Variants in USP45 observed in about 807,000 individuals in gnomAD.
The protein encoded by USP45 is ubiquitin specific peptidase 45, also known as ubiquitin carboxyl-terminal hydrolase 45.
In USP45, 89 loss-of-function variants were observed where a neutral mutation model predicts 95.8. That is an observed-to-expected ratio of 0.93 (90% confidence interval 0.78 to 1.11). The LOEUF (loss-of-function observed/expected upper bound fraction) is 1.11. Ranked by LOEUF, USP45 falls within the 50% of genes least tolerant of loss-of-function variation. USP45 has a pLI of 0.00. For synonymous variants in USP45, 281 were observed against 316.2 expected (o/e 0.89, Z 1.18); for missense variants, 898 against 942.5 (o/e 0.95, Z 0.62).
At chr6:99,461,027 T>C in intron 13 of USP45, 1 of 985,344 alleles carries the variant, frequency 1.0e-6, no homozygotes, top group Non-Finnish European at 1.2e-6. Flanking sequence ...TAACAGGTGG[T>C]GGGAACCAAA....
chr6:99,513,129 T>C (rs1800292289), intron 1 of USP45, among the ~76,000 whole-genome samples: 1 of 152,108 alleles, frequency 6.6e-6, no homozygotes, highest in Non-Finnish European at 1.5e-5. Context: ...TACCCAAAAA[T>C]AGGTGAACCG....
At chr6:99,506,375 G>A (rs1221838523) in intron 4 of USP45, among the ~76,000 whole-genome samples, 1 of 152,166 alleles carries the variant, frequency 6.6e-6, no homozygotes, top group Non-Finnish European at 1.5e-5. Context: ...CACCCAGGCT[G>A]GAGTGCAGTG....
chr6:99,470,204 A>G (rs1789059344), intron 9 of USP45, among the ~76,000 whole-genome samples: 2 of 152,148 alleles, frequency 1.3e-5, no homozygotes. Flanking sequence ...CCATTATAAC[A>G]TGCTTTTAAT....
intron 1 of USP45, chr6:99,514,954 T>C (rs1800821282): frequency 6.6e-6 from 1 of 152,230 alleles, no homozygotes; most frequent in East Asian, 1.9e-4. Context: ...AAGCGGTGGA[T>C]GGAGATGCGG....
At chr6:99,450,650 T>G (rs991935329) in intron 13 of USP45, among the ~76,000 whole-genome samples, 3 of 152,090 alleles carry the variant, frequency 2.0e-5, no homozygotes, top group Admixed American at 2.0e-4. Flanking sequence ...TTCTAATCAA[T>G]AGAAAAAGAG....
At chr6:99,474,126 G>A (rs1242771737) in intron 9 of USP45, among the ~76,000 whole-genome samples, 1 of 152,134 alleles carries the variant, frequency 6.6e-6, no homozygotes, top group Admixed American at 6.5e-5. Flanking sequence ...GAAAATATTA[G>A]AACTCTAATT....
Position 99,443,669 on chromosome 6 carries a change from A to C in USP45, c.1976-7T>G. On this transcript the variant is annotated splice_polypyrimidine_tract_variant and splice_region_variant and intron_variant, in intron 14 of 17. Transcript: ENST00000500704. ...ACTCCTTCTACTTTCTTTTCTACAT[A>C]AAATACAATAAATTTATTTATAAAA... 6.7e-7 allele frequency: 1 copy of C among 1,501,364 alleles called. No individual in the cohort carries two copies. The highest frequency in any genetic ancestry group is 9.0e-7 in the Non-Finnish European group (1 of 1,111,534). 93.0% of individuals were successfully genotyped at this position (1,501,364 alleles called of 1,614,324 possible).
intron 5 of USP45, among the ~76,000 whole-genome samples, chr6:99,496,908 G>C (rs1005988417): frequency 1.3e-5 from 2 of 151,984 alleles, no homozygotes; most frequent in Non-Finnish European, 2.9e-5. Flanking sequence ...TATTGTAACT[G>C]ATGAACCTGC....
At position 99,446,099 on chromosome 6, in the gene USP45, G is replaced by C. The variant is rs1319226521; in HGVS notation, c.1673C>G (p.Ala558Gly). Residue 558 changes from alanine to glycine, a missense_variant, in exon 14 of 18, where the codon GCT (alanine) becomes GGT (glycine). Transcript: ENST00000500704. ...GCTGCTCAAACGAAGTTCAGAAATA[G>C]CTTCTGCCATTTCCTTATCACCACT... ...TDSGDKEMAE[A>G]ISELRLSSTV... 1.2e-6 allele frequency: 2 copies of C among 1,613,908 alleles called. No individual in the cohort carries two copies. Among genetic ancestry groups the C allele is most frequent in the African/African-American group, 2.7e-5 (2 of 74,930 alleles).
intron 5 of USP45, chr6:99,502,083 TTCAA>T: frequency 2.4e-6 from 3 of 1,236,424 alleles, no homozygotes; most frequent in East Asian, 5.8e-5. Context: ...TGGCCAATGA[TTCAA>T]TCAATCATGC....
chr6:99,502,620 T>A (rs559309804), intron 5 of USP45, among the ~76,000 whole-genome samples: 1 of 152,354 alleles, frequency 6.6e-6, no homozygotes, highest in South Asian at 2.1e-4. Flanking sequence ...ATGTGTCAAG[T>A]ACTGATATGG....
At chr6:99,483,453 GT>G (rs1194597108) in intron 7 of USP45, among the ~76,000 whole-genome samples, 5 of 152,094 alleles carry the variant, frequency 3.3e-5, no homozygotes, top group African/African-American at 1.2e-4. Context: ...TCGAAATCTG[GT>G]TTCTAAAGTA....
At position 99,435,568 on chromosome 6, in the gene USP45, G is replaced by A. The variant is rs1422784995; in HGVS notation, c.*148C>T. 1.1e-5 allele frequency: 6 copies of A among 549,112 alleles called. No individual in the cohort carries two copies. Among genetic ancestry groups the A allele is most frequent in the African/African-American group, 7.8e-5 (4 of 51,358 alleles). 34.0% of individuals were successfully genotyped at this position (549,112 alleles called of 1,614,324 possible). On this transcript the variant is annotated 3_prime_UTR_variant, in exon 18 of 18. Coordinates refer to ENST00000500704, the MANE Select transcript of USP45 (RefSeq NM_001346022.3). ...CATTGAGTAAATTTACTTTAAAAGGGTTCACCAAAATGGTGAAAAAGTTCA... is the reference window on the plus strand; with the variant it reads ...CATTGAGTAAATTTACTTTAAAAGGATTCACCAAAATGGTGAAAAAGTTCA...
chr6:99,446,584 C>T (rs1444582537), intron 13 of USP45, 121 bp from the exon 14 acceptor site: 17 of 938,132 alleles, frequency 1.8e-5, no homozygotes, highest in Non-Finnish European at 2.6e-5. Context: ...ATTTCCTAAG[C>T]CTACTGAAAC....
intron 13 of USP45, among the ~76,000 whole-genome samples, chr6:99,458,285 C>T (rs779490884): frequency 6.6e-5 from 10 of 152,164 alleles, no homozygotes; most frequent in Non-Finnish European, 1.5e-4. Flanking sequence ...TCCCAAAGTG[C>T]TGGGATTACA....
At chr6:99,506,350 G>T (rs141234252) in intron 4 of USP45, among the ~76,000 whole-genome samples, 5 of 151,984 alleles carry the variant, frequency 3.3e-5, no homozygotes, top group African/African-American at 1.2e-4. Flanking sequence ...TTTTTGAAAC[G>T]GAGTGTCACT....
chr6:99,443,518 T>A, intron 15 of USP45, 47 bp downstream of exon 15: 1 of 1,333,566 alleles, frequency 7.5e-7, no homozygotes, highest in Non-Finnish European at 1.1e-6. Flanking sequence ...GACTTAATGC[T>A]CTGTAAAACA....
At chr6:99,500,957 A>G (rs943949222) in intron 5 of USP45, among the ~76,000 whole-genome samples, 1 of 152,222 alleles carries the variant, frequency 6.6e-6, no homozygotes, top group Non-Finnish European at 1.5e-5. Context: ...ACACTGGGCT[A>G]TAGAAAACAC....
Position 99,488,709 on chromosome 6 carries a change from T to A in USP45, c.590A>T (p.Asn197Ile), listed in dbSNP as rs1048587740. ...CATGACTGCATTAAAAAAGCAAGTATTTCCTAAATTTGTAATTCCTCTTAC... is the reference window on the plus strand; with the variant it reads ...CATGACTGCATTAAAAAAGCAAGTAATTCCTAAATTTGTAATTCCTCTTAC... ...LSVRGITNLGNTCFFNAVMQN... is the reference protein window; with the variant it reads ...LSVRGITNLGITCFFNAVMQN... The change falls in exon 6 of 18, where the codon AAT becomes ATT. Residue 197 changes from asparagine (N) to isoleucine (I), a missense_variant. Physicochemically the swap from Asn to Ile is moderately radical, Grantham distance 149. Coordinates refer to ENST00000500704, the MANE Select transcript of USP45 (RefSeq NM_001346022.3). 1 of 1,602,694 alleles carries A rather than the reference T, an allele frequency of 6.2e-7. No individual in the cohort carries two copies. The highest frequency in any genetic ancestry group is 8.5e-7 in the Non-Finnish European group (1 of 1,175,620).
Sources: allele counts gnomAD v4.1 joint callset (sites outside exome capture counted in the v4.1 genomes callset), GRCh38; gene constraint gnomAD v4.1.1; transcripts MANE v1.5; gene names NCBI Gene and HGNC (gene_info 2026-07-23, HGNC 2026-07-21).